Variants in MGAT5 observed in about 807,000 individuals in gnomAD.
MGAT5 encodes the protein alpha-1,6-mannosylglycoprotein 6-beta-N-acetylglucosaminyltransferase A.
Under a neutral mutation model 94.3 loss-of-function variants are expected in MGAT5, and 30 were observed. The ratio of observed to expected loss-of-function variants is 0.32; its 90% confidence interval spans 0.24 to 0.43. The LOEUF is 0.43. Ranked by LOEUF, MGAT5 falls within the 20% of genes least tolerant of loss-of-function variation. MGAT5 has a pLI of 1.00. For synonymous variants in MGAT5, 310 were observed against 322.9 expected (o/e 0.96, Z 0.43); for missense variants, 691 against 905.5 (o/e 0.76, Z 3.04).
chr2:134,360,609 A>C (rs1047226404), intron 9 of MGAT5, among the ~76,000 whole-genome samples: 1 of 152,220 alleles, frequency 6.6e-6, no homozygotes, highest in African/African-American at 2.4e-5. Flanking sequence ...AACTTTTAGA[A>C]TTAACAAAAA....
At chr2:134,125,272 A>G (rs967135575) in intron 1 of MGAT5, among the ~76,000 whole-genome samples, 4 of 152,246 alleles carry the variant, frequency 2.6e-5, no homozygotes, top group African/African-American at 9.6e-5. Flanking sequence ...AGACCATAAC[A>G]TCATGAGGTC....
At chr2:134,267,597 A>G (rs1683797051) in intron 1 of MGAT5, among the ~76,000 whole-genome samples, 1 of 152,210 alleles carries the variant, frequency 6.6e-6, no homozygotes, top group Non-Finnish European at 1.5e-5. Context: ...TTTACTGGTC[A>G]CTGTAATTTG....
intron 10 of MGAT5, among the ~76,000 whole-genome samples, chr2:134,398,958 T>C (rs1682874227): frequency 6.6e-6 from 1 of 152,072 alleles, no homozygotes; most frequent in South Asian, 2.1e-4. Flanking sequence ...TGTGCAAACA[T>C]AAAGGTGGAT....
chr2:134,281,626 G>A (rs111847558), intron 2 of MGAT5, among the ~76,000 whole-genome samples: 2 of 152,152 alleles, frequency 1.3e-5, no homozygotes, highest in African/African-American at 4.8e-5. Context: ...CTGTCACAAG[G>A]CAGAAGTTGT....
At chr2:134,306,411 A>G (rs1312108872) in intron 2 of MGAT5, among the ~76,000 whole-genome samples, 1 of 152,156 alleles carries the variant, frequency 6.6e-6, no homozygotes, top group East Asian at 1.9e-4. Flanking sequence ...AAAAAGATCT[A>G]AAGCATTTTT....
Position 134,355,470 on chromosome 2 carries a change from A to C in MGAT5, c.1246+5532A>C, listed in dbSNP as rs946474881. Among the ~76,000 whole-genome samples the C allele has an allele frequency of 2.0e-5, 3 of 152,326 alleles. 1 individual carries two copies. The highest frequency in any genetic ancestry group is 2.0e-4 in the Admixed American group (3 of 15,292). On this transcript the variant is annotated intron_variant, in intron 9 of 15. Coordinates refer to ENST00000281923, the MANE Select transcript of MGAT5 (RefSeq NM_002410.5). ...TTTTGTTATTTCTTGTTGAGACTTA[A>C]CTGATGCTTTTTTTATGGTTGCCAG...
At chr2:134,292,739 C>G (rs1259010582) in intron 2 of MGAT5, among the ~76,000 whole-genome samples, 1 of 152,172 alleles carries the variant, frequency 6.6e-6, no homozygotes, top group Non-Finnish European at 1.5e-5. Flanking sequence ...TGGGCCACAC[C>G]TGGTGTTAAC....
intron 11 of MGAT5, among the ~76,000 whole-genome samples, chr2:134,411,598 C>T (rs1318724816): frequency 6.6e-6 from 1 of 152,244 alleles, no homozygotes; most frequent in East Asian, 1.9e-4. Flanking sequence ...CCTGGTTCTC[C>T]AGTATGTCAC....
intron 10 of MGAT5, among the ~76,000 whole-genome samples, chr2:134,383,418 C>T (rs1681753294): frequency 6.6e-6 from 1 of 152,138 alleles, no homozygotes; most frequent in South Asian, 2.1e-4. Context: ...TATAAAACGC[C>T]AAATGCCTCC....
At chr2:134,120,136 G>C (rs971642372), upstream of MGAT5, 4 of 153,722 alleles carry the variant, frequency 2.6e-5, no homozygotes, top group Admixed American at 1.3e-4. Context: ...CGGCCCGCTC[G>C]GCGGCGGCCC....
intron 1 of MGAT5, among the ~76,000 whole-genome samples, chr2:134,163,308 A>C (rs1687820484): frequency 6.6e-6 from 1 of 152,204 alleles, no homozygotes; most frequent in African/African-American, 2.4e-5. Flanking sequence ...TTGGTACCTA[A>C]GACGCCTTAT....
At chr2:134,222,012 G>A (rs956944684) in intron 1 of MGAT5, among the ~76,000 whole-genome samples, 1 of 152,090 alleles carries the variant, frequency 6.6e-6, no homozygotes, top group African/African-American at 2.4e-5. Context: ...TGCTAGAAAG[G>A]CTTGTTCCTC....
intron 12 of MGAT5, among the ~76,000 whole-genome samples, chr2:134,421,657 G>T (rs1448314966): frequency 6.6e-6 from 1 of 152,170 alleles, no homozygotes; most frequent in Admixed American, 6.5e-5. Context: ...AGTTTCGTGG[G>T]CAGTGGACAA....
In MGAT5 at chr2:134,300,446, C is replaced by T. The variant is rs187827222; in HGVS notation, c.407-17083C>T. Among the ~76,000 whole-genome samples the T allele has an allele frequency of 2.8e-4, 43 of 151,906 alleles. 1 individual carries two copies. In the East Asian group the frequency reaches 5.6e-3, roughly 20 times the overall value. On this transcript the variant is annotated intron_variant, in intron 2 of 15. Transcript: ENST00000281923. ...ACTCTTTCTGCACATGTGCGGTTAA[C>T]CTTAATGGAGTAAAGGCTGTTTTTT...
chr2:134,276,607 T>C (rs1164324399), intron 2 of MGAT5, among the ~76,000 whole-genome samples: 1 of 152,174 alleles, frequency 6.6e-6, no homozygotes, highest in African/African-American at 2.4e-5. Flanking sequence ...AGAGAGTTAA[T>C]TGGGATTTGT....
At chr2:134,145,429 C>T (rs185451639) in intron 1 of MGAT5, among the ~76,000 whole-genome samples, 1 of 152,294 alleles carries the variant, frequency 6.6e-6, no homozygotes, top group African/African-American at 2.4e-5. Context: ...CCCTGTAGTC[C>T]TACCTACTTG....
At chr2:134,313,037 AACACACACAC>A (rs201311442) in intron 2 of MGAT5, among the ~76,000 whole-genome samples, 2,448 of 139,256 alleles carry the variant, frequency 0.018, 45 homozygotes, top group African/African-American at 0.03. Context: ...GCAAGAAATA[AACACACACAC>A]ACACACACAC....
At chr2:134,395,095 C>T (rs1274632101) in intron 10 of MGAT5, among the ~76,000 whole-genome samples, 1 of 152,170 alleles carries the variant, frequency 6.6e-6, no homozygotes, top group Non-Finnish European at 1.5e-5. Context: ...CTGTTTTCTG[C>T]ATGGTAGTAT....
intron 9 of MGAT5, among the ~76,000 whole-genome samples, chr2:134,353,494 G>A (rs1679525675): frequency 6.6e-6 from 1 of 152,178 alleles, no homozygotes; most frequent in South Asian, 2.1e-4. Context: ...ACTCCACAAA[G>A]TGTAGTGGGT....
Sources: allele counts gnomAD v4.1 joint callset (sites outside exome capture counted in the v4.1 genomes callset), GRCh38; gene constraint gnomAD v4.1.1; transcripts MANE v1.5; gene names NCBI Gene and HGNC (gene_info 2026-07-23, HGNC 2026-07-21).